Variants in SUCLG1 observed in about 807,000 individuals in gnomAD.
SUCLG1 encodes the protein succinate-CoA ligase GDP/ADP-forming subunit alpha, also known as succinate--CoA ligase [ADP/GDP-forming] subunit alpha, mitochondrial.
A neutral mutation model predicts 37.3 loss-of-function variants in SUCLG1; 26 were observed. The ratio of observed to expected loss-of-function variants is 0.70; its 90% CI spans 0.51 to 0.97. SUCLG1 has a LOEUF of 0.97. SUCLG1 is among the 50% of genes least tolerant of loss of function. The pLI is 0.00. For synonymous variants in SUCLG1, 163 were observed against 155.6 expected, an observed-to-expected ratio of 1.05 and a Z score of -0.36; for missense variants, 433 against 432.9, an observed-to-expected ratio of 1.00 and a Z score of 0.00.
At chr2:84,435,972 A>C (rs1672681789) in intron 5 of SUCLG1, among the ~76,000 whole-genome samples, 1 of 152,096 alleles carries the variant, frequency 6.6e-6, no homozygotes, top group Non-Finnish European at 1.5e-5. Flanking sequence ...CTGCTACTTA[A>C]CCCTTGTTGT....
At chr2:84,449,431 G>C (rs1672902161) in intron 2 of SUCLG1, among the ~76,000 whole-genome samples, 1 of 152,032 alleles carries the variant, frequency 6.6e-6, no homozygotes, top group Non-Finnish European at 1.5e-5. Context: ...CTCCTAGTAA[G>C]CATACAATAT....
chr2:84,450,759 T>C (rs1327900272), intron 1 of SUCLG1, among the ~76,000 whole-genome samples: 1 of 152,184 alleles, frequency 6.6e-6, no homozygotes, highest in Non-Finnish European at 1.5e-5. Context: ...CTTTCTGCCT[T>C]AAATCACTGC....
At chr2:84,440,555 A>C (rs749478126) in intron 5 of SUCLG1, among the ~76,000 whole-genome samples, 9 of 152,218 alleles carry the variant, frequency 5.9e-5, no homozygotes, top group Non-Finnish European at 1.3e-4. Flanking sequence ...TTCCATTCCT[A>C]CACATTTTGC....
In SUCLG1 at chr2:84,441,378, C is replaced by T. The variant is rs1672770461; in HGVS notation, c.400G>A (p.Glu134Lys). Reference sequence around the variant, plus strand: ...CACACAACCAAGGGAATTTCTGCCTCAATAGCTTCATTAATGGCAGCAGCA... The same window carrying T: ...CACACAACCAAGGGAATTTCTGCCTTAATAGCTTCATTAATGGCAGCAGCA... The part of the protein sequence containing the change: ...FAAAAINEAI[E>K]AEIPLVVCIT... Residue 134 changes from glutamate to lysine, a missense_variant, in exon 4 of 9, where the codon GAG becomes AAG. Transcript: ENST00000393868. 6.2e-7 allele frequency: 1 copy of T among 1,614,002 alleles called. No homozygotes were observed. Among genetic ancestry groups the T allele is most frequent in the South Asian group, 1.1e-5 (1 of 91,078 alleles).
intron 5 of SUCLG1, among the ~76,000 whole-genome samples, chr2:84,434,366 G>A (rs1215897312): frequency 1.3e-5 from 2 of 152,150 alleles, no homozygotes; most frequent in African/African-American, 4.8e-5. Context: ...ATAAGGTCAA[G>A]ATCCCTCTGG....
intron 5 of SUCLG1, among the ~76,000 whole-genome samples, chr2:84,434,590 CAAAA>C (rs1003484978): frequency 1.3e-5 from 2 of 152,094 alleles, no homozygotes; most frequent in African/African-American, 4.8e-5. Flanking sequence ...TTTAGACAAA[CAAAA>C]AAATTAATCC....
chr2:84,456,140 C>T (rs1573378775), intron 1 of SUCLG1, among the ~76,000 whole-genome samples: 1 of 152,010 alleles, frequency 6.6e-6, no homozygotes, highest in African/African-American at 2.4e-5. Flanking sequence ...ATCTCTGATT[C>T]GAAAAACAGG....
chr2:84,458,005 G>T (rs1307653973), intron 1 of SUCLG1, among the ~76,000 whole-genome samples: 4 of 151,664 alleles, frequency 2.6e-5, no homozygotes, highest in Non-Finnish European at 5.9e-5. Flanking sequence ...CTCAAGAAAG[G>T]AATTAAGTCT....
At chr2:84,448,547 G>C (rs1303269683) in intron 2 of SUCLG1, among the ~76,000 whole-genome samples, 1 of 142,174 alleles carries the variant, frequency 7.0e-6, no homozygotes, top group African/African-American at 2.6e-5. Flanking sequence ...AAAAAAAATT[G>C]ACTGCTTTTA....
At position 84,459,221 on chromosome 2, in the gene SUCLG1, C is replaced by G; in HGVS notation, c.49G>C (p.Gly17Arg). The G allele has an allele frequency of 1.9e-6, 3 of 1,550,360 alleles. No individual in the cohort carries two copies. Among genetic ancestry groups the G allele is most frequent in the Non-Finnish European group, 2.6e-6 (3 of 1,146,766 alleles). Residue 17 changes from glycine (G) to arginine (R), a missense_variant, in exon 1 of 9, where the codon GGC becomes CGC. Physicochemically the swap from Gly to Arg is moderately radical, Grantham distance 125 (BLOSUM62 -2). Transcript: ENST00000393868. ...CGGGCGGCGGCGAGGCCGCTGCTGC[C>G]GGAGACCATGGTAGCGATGTCAGCG... Reference protein sequence around the residue: ...AAADIATMVSGSSGLAAARLL... With the variant: ...AAADIATMVSRSSGLAAARLL...
chr2:84,438,200 T>C (rs1219872227), intron 5 of SUCLG1, among the ~76,000 whole-genome samples: 3 of 152,240 alleles, frequency 2.0e-5, no homozygotes, highest in Non-Finnish European at 2.9e-5. Context: ...ATGTTAACCA[T>C]TGGGCTAACT....
intron 1 of SUCLG1, among the ~76,000 whole-genome samples, chr2:84,454,709 A>G (rs184324488): frequency 7.2e-5 from 11 of 152,362 alleles, no homozygotes; most frequent in Admixed American, 1.3e-4. Context: ...TGTGTTTTCA[A>G]CAGGGGTGAT....
intron 5 of SUCLG1, among the ~76,000 whole-genome samples, chr2:84,439,181 C>T (rs1031603252): frequency 2.1e-5 from 3 of 143,258 alleles, no homozygotes; most frequent in Non-Finnish European, 4.5e-5. Context: ...ATATTTTCTT[C>T]TTTTTTTTAA....
intron 1 of SUCLG1, among the ~76,000 whole-genome samples, chr2:84,451,416 G>A (rs1394314351): frequency 6.6e-6 from 1 of 152,116 alleles, no homozygotes; most frequent in Non-Finnish European, 1.5e-5. Context: ...GTAAAGTTTG[G>A]TTCTGCACAA....
chr2:84,432,289 C>A (rs6547560), intron 6 of SUCLG1: 10,616 of 152,190 alleles, frequency 0.07, 1,223 homozygotes, highest in African/African-American at 0.24. Context: ...GACAGGCTGC[C>A]GTTTTTTATT....
intron 1 of SUCLG1, among the ~76,000 whole-genome samples, chr2:84,453,632 GTC>G (rs950981966): frequency 1.3e-5 from 2 of 152,070 alleles, no homozygotes; most frequent in Non-Finnish European, 2.9e-5. Flanking sequence ...GGCCAGGCTG[GTC>G]TCAAACTCCT....
At position 84,430,508 on chromosome 2, in the gene SUCLG1, C is replaced by T. The variant is rs116439560; in HGVS notation, c.825+1000G>A. Reference sequence around the variant, plus strand: ...ATATGGGAGTTAGGGCTTAAAATCACCACAAAAGAAAATCAAGTATATTCA... The same window carrying T: ...ATATGGGAGTTAGGGCTTAAAATCATCACAAAAGAAAATCAAGTATATTCA... On this transcript the variant is annotated intron_variant, in intron 7 of 8. Transcript: ENST00000393868. 4.2e-3 allele frequency among the ~76,000 whole-genome samples: 636 copies of T among 152,214 alleles called. 3 individuals are homozygous for T. The highest frequency in any genetic ancestry group is 0.014 in the Middle Eastern group (4 of 294).
At position 84,433,339 on chromosome 2, in the gene SUCLG1, A is replaced by C. The variant is rs202052466; in HGVS notation, c.673+13T>G. 6.2e-7 allele frequency: 1 copy of C among 1,613,090 alleles called. No homozygotes were observed. The highest frequency in any genetic ancestry group is 2.2e-5 in the East Asian group (1 of 44,866). ...CACACTCCAATAAAATGATTTTAGC[A>C]AAAGTCCCTCACCAACGCACAAAGA... is the stretch of plus-strand genomic sequence containing the variant. On this transcript the variant is annotated intron_variant, in intron 6 of 8. Coordinates refer to ENST00000393868, the MANE Select transcript of SUCLG1 (RefSeq NM_003849.4).
At chr2:84,442,683 T>C (rs1489519865) in intron 3 of SUCLG1, among the ~76,000 whole-genome samples, 1 of 152,204 alleles carries the variant, frequency 6.6e-6, no homozygotes, top group Non-Finnish European at 1.5e-5. Flanking sequence ...AAAATCATTT[T>C]AAAAGGTAAC....
Sources: allele counts gnomAD v4.1 joint callset (sites outside exome capture counted in the v4.1 genomes callset), GRCh38; gene constraint gnomAD v4.1.1; transcripts MANE v1.5; gene names NCBI Gene and HGNC (gene_info 2026-07-23, HGNC 2026-07-21).